The following INSYN2A variants were observed in gnomAD, a reference collection of about 807,000 sequenced individuals.
The protein encoded by INSYN2A is family with sequence similarity 196 member A.
A neutral mutation model predicts 39.4 loss-of-function variants in INSYN2A; 17 were observed. That is an observed-to-expected ratio of 0.43 (90% CI 0.30 to 0.65). The LOEUF (loss-of-function observed/expected upper bound fraction) is 0.65. INSYN2A is among the 30% of genes least tolerant of loss of function. The pLI is 0.14. For synonymous variants in INSYN2A, 255 were observed against 265.7 expected (o/e 0.96, Z 0.39); for missense variants, 595 against 631.2 (o/e 0.94, Z 0.61).
At chr10:127,179,934 G>A (rs1013410939) in intron 2 of INSYN2A, among the ~76,000 whole-genome samples, 3 of 152,100 alleles carry the variant, frequency 2.0e-5, no homozygotes, top group Non-Finnish European at 4.4e-5. Context: ...TCCTTACAAG[G>A]CAGCCACTAT....
At chr10:127,138,768 T>C (rs1168309327) in intron 5 of INSYN2A, among the ~76,000 whole-genome samples, 1 of 152,228 alleles carries the variant, frequency 6.6e-6, no homozygotes, top group East Asian at 1.9e-4. Context: ...GCAGTGATAA[T>C]GTTTGCATTA....
intron 2 of INSYN2A, among the ~76,000 whole-genome samples, chr10:127,178,456 C>T (rs1056003330): frequency 1.3e-5 from 2 of 152,202 alleles, no homozygotes; most frequent in African/African-American, 2.4e-5. Flanking sequence ...GAAGTAGCAC[C>T]GCTCCCTCCC....
At chr10:127,143,165 G>A (rs545214173) in intron 5 of INSYN2A, among the ~76,000 whole-genome samples, 14 of 152,358 alleles carry the variant, frequency 9.2e-5, no homozygotes, top group African/African-American at 3.1e-4. Flanking sequence ...GATAATTTAA[G>A]AGGAACACAT....
At chr10:127,157,633 G>A (rs1031993473) in intron 4 of INSYN2A, among the ~76,000 whole-genome samples, 23 of 152,178 alleles carry the variant, frequency 1.5e-4, no homozygotes, top group African/African-American at 4.8e-4. Flanking sequence ...GAGTCATTGT[G>A]TTTTCTTTGG....
intron 2 of INSYN2A, among the ~76,000 whole-genome samples, chr10:127,182,188 A>G (rs1309404659): frequency 6.6e-6 from 1 of 152,206 alleles, no homozygotes; most frequent in Non-Finnish European, 1.5e-5. Flanking sequence ...CACCTAGTCC[A>G]AAGCAGGGAA....
At chr10:127,168,037 A>C (rs1430345767) in intron 4 of INSYN2A, among the ~76,000 whole-genome samples, 1 of 152,202 alleles carries the variant, frequency 6.6e-6, no homozygotes, top group African/African-American at 2.4e-5. Flanking sequence ...AGAGAAGCCC[A>C]AGAGGCAGGT....
In INSYN2A at chr10:127,176,122, C is replaced by T. The variant is rs748593127; in HGVS notation, c.274G>A (p.Ala92Thr). 4.3e-6 allele frequency: 7 copies of T among 1,614,074 alleles called. No homozygotes were observed. Among genetic ancestry groups the T allele is most frequent in the East Asian group, 4.5e-5 (2 of 44,838 alleles). Residue 92 changes from alanine (A) to threonine (T), a missense_variant, in exon 4 of 6, where the codon GCA becomes ACA. Physicochemically the swap from Ala to Thr is moderately conservative, Grantham distance 58. Transcript: ENST00000522781. This position sits in a 1 kb window ranked among gnomAD's most constrained non-coding sequence, Gnocchi z 4.4. Reference protein sequence around the residue: ...AAYRKYMTVPARRSIPNVTKS... With the variant: ...AAYRKYMTVPTRRSIPNVTKS... Reference sequence around the variant, plus strand: ...GTGACGTTGGGGATGGACCTGCGTGCGGGCACTGTCATGTATTTGCGGTAG... The same window carrying T: ...GTGACGTTGGGGATGGACCTGCGTGTGGGCACTGTCATGTATTTGCGGTAG...
In INSYN2A at chr10:127,177,046, A is replaced by G. The variant is rs189338860; in HGVS notation, c.-175T>C. On this transcript the variant is annotated 5_prime_UTR_variant, in exon 3 of 6. The change abolishes an upstream ATG in the 5' untranslated region. Transcript: ENST00000522781. Reference sequence around the variant, plus strand: ...GGGTGGTCGCTTCTCATGGGTTAACATCAGCTCTAAAAGGAACGTGGGTTT... The same window carrying G: ...GGGTGGTCGCTTCTCATGGGTTAACGTCAGCTCTAAAAGGAACGTGGGTTT... 6.6e-6 allele frequency: 1 copy of G among 152,256 alleles called. No homozygotes were observed. Among genetic ancestry groups the G allele is most frequent in the Non-Finnish European group, 1.5e-5 (1 of 68,074 alleles). 9.4% of individuals were successfully genotyped at this position (152,256 alleles called of 1,614,324 possible). A position where few individuals can be genotyped will look rare whatever the true frequency, so the allele number is the denominator to read the frequency against.
chr10:127,136,064 G>A lies in INSYN2A; in HGVS notation c.*1773C>T, dbSNP rs1487626325. The A allele has an allele frequency of 6.6e-6, 1 of 152,502 alleles. No individual in the cohort carries two copies. The highest frequency in any genetic ancestry group is 6.5e-5 in the Admixed American group (1 of 15,270). The allele number at this position is 152,502 out of a possible 1,614,324, so 9.4% of individuals were successfully genotyped here. ...TCTCAGTTCCTTTTATTGATATTCAGGGATTCGAACTTCATATAGTGTTTC... is the reference window on the plus strand; with the variant it reads ...TCTCAGTTCCTTTTATTGATATTCAAGGATTCGAACTTCATATAGTGTTTC... On this transcript the variant is annotated 3_prime_UTR_variant, in exon 6 of 6. Transcript: ENST00000522781.
At chr10:127,187,417 A>C (rs1431578784) in intron 2 of INSYN2A, among the ~76,000 whole-genome samples, 1 of 152,208 alleles carries the variant, frequency 6.6e-6, no homozygotes, top group Non-Finnish European at 1.5e-5. Context: ...TTGAAAAAGG[A>C]AAACATAAAT....
In INSYN2A at chr10:127,153,854, A is replaced by G. The variant is rs1434345293; in HGVS notation, c.1254T>C (p.Tyr418=). 2.5e-6 allele frequency: 4 copies of G among 1,609,450 alleles called. No homozygotes were observed. In the African/African-American group the frequency reaches 5.3e-5, roughly 22 times the overall value. ...DTCRNSACII[Y]SVELDFKQQE... is the part of the protein sequence containing the mutation. ...GGAAGAGGAGAATGTTAACATACCT[A>G]TAGATAATACATGCACTGTTCCTGC... The change falls in exon 5 of 6, where the codon TAT becomes TAC. Residue 418 remains tyrosine (Y), a splice_region_variant and synonymous_variant. Coordinates refer to ENST00000522781, the MANE Select transcript of INSYN2A (RefSeq NM_001039762.3).
chr10:127,169,772 A>G (rs1308705806), intron 4 of INSYN2A, among the ~76,000 whole-genome samples: 3 of 152,232 alleles, frequency 2.0e-5, no homozygotes, highest in African/African-American at 7.2e-5. Context: ...ACAGATGTCC[A>G]TGAGACTAAG....
chr10:127,143,393 C>T (rs1438191631), intron 5 of INSYN2A, among the ~76,000 whole-genome samples: 3 of 152,198 alleles, frequency 2.0e-5, no homozygotes, highest in African/African-American at 4.8e-5. Context: ...CCAGTGCTAA[C>T]CGTGGCTCTG....
At chr10:127,185,877 C>T (rs2056184505) in intron 2 of INSYN2A, among the ~76,000 whole-genome samples, 1 of 152,116 alleles carries the variant, frequency 6.6e-6, no homozygotes, top group Non-Finnish European at 1.5e-5. Context: ...CTATATTTAA[C>T]CATGCAGTAT....
At chr10:127,143,013 A>C (rs973332643) in intron 5 of INSYN2A, among the ~76,000 whole-genome samples, 1 of 152,146 alleles carries the variant, frequency 6.6e-6, no homozygotes, top group Non-Finnish European at 1.5e-5. Context: ...GCTTTGTAGT[A>C]ACACTTCTCC....
At chr10:127,184,235 C>T (rs2056003628) in intron 2 of INSYN2A, among the ~76,000 whole-genome samples, 1 of 152,164 alleles carries the variant, frequency 6.6e-6, no homozygotes, top group African/African-American at 2.4e-5. Context: ...CGAGACCCAT[C>T]TCCAACTTAG....
chr10:127,192,314 T>A lies in INSYN2A; in HGVS notation c.-269+291A>T, dbSNP rs138485063. On this transcript the variant is annotated intron_variant, in intron 2 of 5. Transcript: ENST00000522781. Reference sequence around the variant, plus strand: ...TTCCAAATCCCTTTGAAATATGTTGTTAGCCAAAAGGTTTATAGAGTAATT... The same window carrying A: ...TTCCAAATCCCTTTGAAATATGTTGATAGCCAAAAGGTTTATAGAGTAATT... Among the ~76,000 whole-genome samples the A allele has an allele frequency of 5.3e-5, 8 of 152,342 alleles. No homozygotes were observed. The East Asian group carries it at 1.2e-3, about 22-fold the overall frequency.
At chr10:127,144,152 T>A (rs948270116) in intron 5 of INSYN2A, among the ~76,000 whole-genome samples, 1 of 152,184 alleles carries the variant, frequency 6.6e-6, no homozygotes, top group Non-Finnish European at 1.5e-5. Context: ...TTAGTCTCCC[T>A]CACTCTCTGT....
chr10:127,173,242 CCT>C (rs144168285), intron 4 of INSYN2A, among the ~76,000 whole-genome samples: 32,330 of 152,012 alleles, frequency 0.21, 4,204 homozygotes, highest in South Asian at 0.29. Flanking sequence ...CATTCCATCC[CCT>C]GTCTGCAGGA....
Sources: gnomAD v4.1 joint callset for allele counts (sites outside exome capture counted in the v4.1 genomes callset) on GRCh38, gnomAD v4.1.1 for gene constraint, Gnocchi (gnomAD v3.1) non-coding constraint, MANE v1.5 for transcripts, NCBI Gene and HGNC (gene_info 2026-07-23, HGNC 2026-07-21) for gene names.